Variants in WIPF3 observed in about 807,000 individuals in gnomAD.
The protein encoded by WIPF3 is WAS/WASL interacting protein family member 3.
In WIPF3, 33 loss-of-function variants were observed where a neutral mutation model predicts 38.9. That is an observed-to-expected ratio of 0.85 (90% CI 0.64 to 1.14). The LOEUF is 1.14. Ranked by LOEUF, WIPF3 falls within the 50% of genes most tolerant of loss-of-function variation. The probability of loss-of-function intolerance (pLI) is 0.00; values close to 1 mark genes in which losing one functional copy is unlikely to be tolerated. For synonymous variants in WIPF3, 324 were observed against 269.3 expected (o/e 1.20, Z -1.99); for missense variants, 711 against 652.5 (o/e 1.09, Z -0.98).
At chr7:29,902,271 C>CTTTTTTT (rs1462394988) in intron 7 of WIPF3, among the ~76,000 whole-genome samples, 1 of 106,522 alleles carries the variant, frequency 9.4e-6, no homozygotes, top group Non-Finnish European at 1.8e-5. Flanking sequence ...TCTTCTTCTT[C>CTTTTTTT]TTCTTTTTTT....
At chr7:29,889,194 G>C (rs1057211858) in intron 6 of WIPF3, 112 bp from the exon 7 acceptor site, 1 of 824,104 alleles carries the variant, frequency 1.2e-6, no homozygotes, top group Non-Finnish European at 2.0e-6. Flanking sequence ...CACTGAGCAG[G>C]CAAACAGAAA....
chr7:29,832,313 A>C (rs77087276), intron 1 of WIPF3, among the ~76,000 whole-genome samples: 2,841 of 152,284 alleles, frequency 0.019, 58 homozygotes, highest in East Asian at 0.072. Context: ...TGCTTGTTCC[A>C]ACTAAATTGT....
chr7:29,904,449 C>A, intron 8 of WIPF3, 87 bp downstream of exon 8: 2 of 1,318,604 alleles, frequency 1.5e-6, no homozygotes, highest in Non-Finnish European at 1.1e-6. Flanking sequence ...TTCTCCTAAA[C>A]AGCTTTATAT....
chr7:29,901,383 ATTTTTTTTTTTTT>A (rs543723994), intron 7 of WIPF3, among the ~76,000 whole-genome samples: 22 of 122,216 alleles, frequency 1.8e-4, no homozygotes, highest in African/African-American at 7.2e-4. Flanking sequence ...AGCAGCAGTG[ATTTTTTTTTTTTT>A]TTTTTTTTTT....
chr7:29,914,403 C>G, intron 8 of WIPF3, 90 bp from the exon 9 acceptor site: 1 of 1,103,156 alleles, frequency 9.1e-7, no homozygotes, highest in Non-Finnish European at 1.2e-6. Flanking sequence ...AGCTTCGGGG[C>G]CCAGCCTGTT....
chr7:29,843,790 C>G (rs962098013), intron 2 of WIPF3, among the ~76,000 whole-genome samples: 1 of 151,990 alleles, frequency 6.6e-6, no homozygotes, highest in South Asian at 2.1e-4. Context: ...TTTAACCTTT[C>G]TTGTCATAAA....
intron 1 of WIPF3, among the ~76,000 whole-genome samples, chr7:29,810,977 C>T (rs915776876): frequency 6.6e-6 from 1 of 152,176 alleles, no homozygotes; most frequent in Non-Finnish European, 1.5e-5. Flanking sequence ...CTGCCTCCAA[C>T]TCCCACACTC....
At chr7:29,834,529 AAATG>A (rs1784768245) in intron 1 of WIPF3, 135 bp from the exon 2 acceptor site, 1 of 825,870 alleles carries the variant, frequency 1.2e-6, no homozygotes, top group Non-Finnish European at 1.7e-6. Context: ...CTCTGTGAAT[AAATG>A]AATGAACAAA....
At chr7:29,857,029 A>T (rs1303000355) in intron 2 of WIPF3, among the ~76,000 whole-genome samples, 1 of 152,208 alleles carries the variant, frequency 6.6e-6, no homozygotes, top group Non-Finnish European at 1.5e-5. Flanking sequence ...ATGAAGTAAT[A>T]TATATTCATT....
intron 7 of WIPF3, among the ~76,000 whole-genome samples, chr7:29,889,657 A>C (rs1437514599): frequency 6.6e-6 from 1 of 152,206 alleles, no homozygotes; most frequent in East Asian, 1.9e-4. Context: ...GGATGCCTAA[A>C]CTTACCACTC....
At chr7:29,903,650 CA>C (rs1294129991) in intron 7 of WIPF3, among the ~76,000 whole-genome samples, 1 of 151,122 alleles carries the variant, frequency 6.6e-6, no homozygotes, top group African/African-American at 2.4e-5. Flanking sequence ...GTAGACCAAC[CA>C]AAACATGTAT....
intron 8 of WIPF3, among the ~76,000 whole-genome samples, chr7:29,914,149 C>T (rs776407969): frequency 5.9e-5 from 9 of 152,152 alleles, no homozygotes; most frequent in African/African-American, 9.7e-5. Flanking sequence ...ATGCCTAAAT[C>T]GGTTTCTTGC....
intron 8 of WIPF3, chr7:29,905,437 A>G (rs1479915318): frequency 6.6e-6 from 1 of 152,212 alleles, no homozygotes; most frequent in African/African-American, 2.4e-5. Context: ...TGTCTGATGT[A>G]ATTTGTCTCA....
In WIPF3 at chr7:29,878,933, G is replaced by C; in HGVS notation, c.224-76G>C. 6.7e-7 allele frequency: 1 copy of C among 1,497,772 alleles called. No individual in the cohort carries two copies. Among genetic ancestry groups the C allele is most frequent in the Non-Finnish European group, 9.1e-7 (1 of 1,102,314 alleles). 92.8% of individuals were successfully genotyped at this position (1,497,772 alleles called of 1,614,324 possible). ...CAAGGGCAGTGGTAGACCAGTGTTA[G>C]ACCATGGTCTGAAATGAGACCTGGC... On this transcript the variant is annotated intron_variant, in intron 3 of 8. Coordinates refer to ENST00000242140, the MANE Select transcript of WIPF3 (RefSeq NM_001080529.3). The surrounding 1 kb of genome is among the most constrained non-coding windows in gnomAD (Gnocchi z 4.0).
chr7:29,829,880 A>G (rs1583594034), intron 1 of WIPF3, among the ~76,000 whole-genome samples: 1 of 152,202 alleles, frequency 6.6e-6, no homozygotes, highest in South Asian at 2.1e-4. Flanking sequence ...GCGATAGTTC[A>G]TGAATTGGGA....
chr7:29,896,537 GC>G (rs1329637153), intron 7 of WIPF3, among the ~76,000 whole-genome samples: 1 of 152,148 alleles, frequency 6.6e-6, no homozygotes, highest in Non-Finnish European at 1.5e-5. Flanking sequence ...GATTGCTTGA[GC>G]CCGGGAGGTG....
At chr7:29,820,546 C>A (rs1049791969) in intron 1 of WIPF3, among the ~76,000 whole-genome samples, 1 of 151,790 alleles carries the variant, frequency 6.6e-6, no homozygotes. Context: ...ATCTTTAGTT[C>A]TTCTAGCAAT....
chr7:29,885,442 T>C (rs979088128), intron 5 of WIPF3, among the ~76,000 whole-genome samples: 3 of 152,214 alleles, frequency 2.0e-5, no homozygotes, highest in African/African-American at 7.2e-5. Context: ...AGAAAATCTT[T>C]TGATGCAGAA....
chr7:29,888,949 C>T (rs768330331), intron 6 of WIPF3, among the ~76,000 whole-genome samples: 7 of 152,226 alleles, frequency 4.6e-5, no homozygotes, highest in Non-Finnish European at 8.8e-5. Flanking sequence ...GGGGCTTTGC[C>T]AGTTCCTTGT....
Sources: allele counts gnomAD v4.1 joint callset (sites outside exome capture counted in the v4.1 genomes callset), GRCh38; gene constraint gnomAD v4.1.1; non-coding constraint Gnocchi (gnomAD v3.1); transcripts MANE v1.5; gene names NCBI Gene and HGNC (gene_info 2026-07-23, HGNC 2026-07-21).